CNBD1: variants seen among roughly 807,000 people sequenced by gnomAD.
CNBD1 encodes the protein cyclic nucleotide binding domain containing 1.
A neutral mutation model predicts 54.4 loss-of-function variants in CNBD1; 71 were observed. The observed-to-expected ratio is 1.30, with a 90% CI of 1.08 to 1.59. CNBD1 has a LOEUF of 1.59. Ranked by LOEUF, CNBD1 falls within the 40% of genes most tolerant of loss-of-function variation. CNBD1 has a pLI of 0.00. For missense variants in CNBD1, 659 were observed against 518.0 expected (o/e 1.27, Z -2.64); for synonymous variants, 182 against 170.7 (o/e 1.07, Z -0.51).
chr8:87,329,160 A>G (rs1809758170), intron 8 of CNBD1, among the ~76,000 whole-genome samples: 1 of 152,112 alleles, frequency 6.6e-6, no homozygotes, highest in Non-Finnish European at 1.5e-5. Flanking sequence ...GTTGTTCAGC[A>G]CTGTTCTTTG....
chr8:87,382,339 T>C (rs577718701), intron 10 of CNBD1, among the ~76,000 whole-genome samples: 1 of 151,926 alleles, frequency 6.6e-6, no homozygotes, highest in Admixed American at 6.6e-5. Flanking sequence ...AAACATAATA[T>C]TACTACAGAA....
intron 4 of CNBD1, among the ~76,000 whole-genome samples, chr8:87,133,395 C>G (rs921876022): frequency 1.3e-5 from 2 of 152,210 alleles, no homozygotes; most frequent in African/African-American, 4.8e-5. Context: ...ACACTCTAAA[C>G]TCCATCTTTC....
intron 3 of CNBD1, among the ~76,000 whole-genome samples, chr8:86,905,536 G>T (rs970788663): frequency 3.9e-5 from 6 of 152,130 alleles, no homozygotes; most frequent in African/African-American, 1.4e-4. Flanking sequence ...GAGTGTTTGT[G>T]GGTGGAGGAT....
chr8:87,402,800 A>G (rs935741204), intron 2 of CNBD1, among the ~76,000 whole-genome samples: 1 of 152,116 alleles, frequency 6.6e-6, no homozygotes, highest in Non-Finnish European at 1.5e-5. Flanking sequence ...GAGTAGAACA[A>G]AATGTGAAAA....
intron 8 of CNBD1, among the ~76,000 whole-genome samples, chr8:87,290,977 A>G (rs1057240489): frequency 6.6e-6 from 1 of 152,138 alleles, no homozygotes; most frequent in Non-Finnish European, 1.5e-5. Flanking sequence ...TTTCTGTCAC[A>G]TACTTTATAG....
intron 6 of CNBD1, among the ~76,000 whole-genome samples, chr8:87,245,832 T>A (rs1338711559): frequency 6.6e-6 from 1 of 152,056 alleles, no homozygotes; most frequent in Non-Finnish European, 1.5e-5. Context: ...GTTGATATTC[T>A]CACTTTATCA....
chr8:87,346,331 C>T (rs1031404103), intron 8 of CNBD1, among the ~76,000 whole-genome samples: 7 of 152,024 alleles, frequency 4.6e-5, no homozygotes, highest in South Asian at 2.1e-4. Flanking sequence ...TGTGAGCCAC[C>T]GTGCCTGGCC....
intron 4 of CNBD1, among the ~76,000 whole-genome samples, chr8:87,191,228 G>C (rs1488081086): frequency 3.9e-5 from 6 of 152,000 alleles, no homozygotes; most frequent in Admixed American, 3.9e-4. Context: ...GAGTCCAAAG[G>C]CCAAAGACTG....
chr8:87,035,961 G>T (rs1809930727), intron 4 of CNBD1, among the ~76,000 whole-genome samples: 1 of 152,184 alleles, frequency 6.6e-6, no homozygotes, highest in Non-Finnish European at 1.5e-5. Context: ...AAGATGCTGG[G>T]AAACTAATAC....
chr8:87,040,846 T>A (rs1330118843), intron 4 of CNBD1, among the ~76,000 whole-genome samples: 1 of 151,518 alleles, frequency 6.6e-6, no homozygotes, highest in Non-Finnish European at 1.5e-5. Flanking sequence ...ATAAAGCTTT[T>A]AAATTTTCTA....
At chr8:87,285,078 TATTC>T (rs1012562410) in intron 7 of CNBD1, among the ~76,000 whole-genome samples, 1 of 151,758 alleles carries the variant, frequency 6.6e-6, no homozygotes, top group Non-Finnish European at 1.5e-5. Context: ...CTCATTAATT[TATTC>T]ATTCATTCAC....
At chr8:87,229,116 G>C (rs1814599251) in intron 5 of CNBD1, among the ~76,000 whole-genome samples, 1 of 152,262 alleles carries the variant, frequency 6.6e-6, no homozygotes, top group African/African-American at 2.4e-5. Flanking sequence ...GCTCGCACAT[G>C]GTGCGCGCAC....
At chr8:87,401,128 A>G (rs898099814) in intron 2 of CNBD1, among the ~76,000 whole-genome samples, 7 of 152,064 alleles carry the variant, frequency 4.6e-5, no homozygotes, top group African/African-American at 7.2e-5. Flanking sequence ...CCAAAGCTAC[A>G]TATAAATATA....
At chr8:87,001,571 A>T (rs910263144) in intron 4 of CNBD1, among the ~76,000 whole-genome samples, 2 of 152,168 alleles carry the variant, frequency 1.3e-5, no homozygotes, top group African/African-American at 4.8e-5. Context: ...CTAAAGTTGA[A>T]TGAGCTAAAC....
chr8:87,121,876 TTG>T (rs1022247134), intron 4 of CNBD1, among the ~76,000 whole-genome samples: 2 of 151,452 alleles, frequency 1.3e-5, no homozygotes, highest in Non-Finnish European at 3.0e-5. Flanking sequence ...CTGTATAGTA[TTG>T]TGTGTGTGTA....
At chr8:87,070,300 G>C (rs577716614) in intron 4 of CNBD1, among the ~76,000 whole-genome samples, 14 of 152,092 alleles carry the variant, frequency 9.2e-5, no homozygotes, top group African/African-American at 3.4e-4. Context: ...TAGCATTAGT[G>C]TTTTTTGGGT....
At chr8:87,387,988 C>A (rs1811226122) in intron 2 of CNBD1, among the ~76,000 whole-genome samples, 3 of 152,140 alleles carry the variant, frequency 2.0e-5, no homozygotes, top group South Asian at 2.1e-4. Flanking sequence ...AACTGAACAA[C>A]CTGCTCCTGA....
At chr8:87,237,146 A>G (rs1301909089) in intron 6 of CNBD1, 34 bp downstream of exon 6, 24 of 1,406,614 alleles carry the variant, frequency 1.7e-5, no homozygotes, top group Non-Finnish European at 2.3e-5. Flanking sequence ...TCCACAAGCA[A>G]CAAGGTAACG....
At position 87,033,515 on chromosome 8, in the gene CNBD1, C is replaced by G. The variant is rs140789721; in HGVS notation, c.431+93761C>G. 6.1e-3 allele frequency among the ~76,000 whole-genome samples: 934 copies of G among 152,254 alleles called. 19 individuals are homozygous for G. The highest frequency in any genetic ancestry group is 0.021 in the African/African-American group (890 of 41,552). On this transcript the variant is annotated intron_variant, in intron 4 of 10. Coordinates refer to ENST00000518476, the MANE Select transcript of CNBD1 (RefSeq NM_173538.3). ...ACCAGGACTGGTAGCTGATGTTTAT[C>G]TTTTCCCCTCAGGGATCAGAGATTA... is the stretch of plus-strand genomic sequence containing the variant.
Sources: allele counts gnomAD v4.1 joint callset (sites outside exome capture counted in the v4.1 genomes callset), GRCh38; gene constraint gnomAD v4.1.1; transcripts MANE v1.5; gene names NCBI Gene and HGNC (gene_info 2026-07-23, HGNC 2026-07-21).